PDZRN3: variants seen among roughly 807,000 people sequenced by gnomAD.
PDZRN3 encodes the protein E3 ubiquitin-protein ligase PDZRN3.
PDZRN3 carries 38 observed loss-of-function variants against 85.7 expected under a neutral mutation model. The observed-to-expected ratio is 0.44, with a 90% CI of 0.34 to 0.58. PDZRN3 has a LOEUF of 0.58. Among genes scored for constraint, PDZRN3 ranks in the 20% least tolerant of loss-of-function variants. The pLI is 0.01. For missense variants in PDZRN3, 1,629 were observed against 1,506.4 expected (o/e 1.08, Z -1.35); for synonymous variants, 759 against 638.0 (o/e 1.19, Z -2.86).
chr3:73,491,294 G>A (rs904049521), intron 3 of PDZRN3, among the ~76,000 whole-genome samples: 64 of 152,126 alleles, frequency 4.2e-4, no homozygotes, highest in African/African-American at 1.5e-3. Flanking sequence ...TTCACCAGGG[G>A]CCCCTTTCAT....
intron 3 of PDZRN3, among the ~76,000 whole-genome samples, chr3:73,465,258 T>C (rs1039230537): frequency 6.6e-6 from 1 of 152,188 alleles, no homozygotes; most frequent in Non-Finnish European, 1.5e-5. Context: ...GATGATGAAG[T>C]ATACCCCTTC....
intron 3 of PDZRN3, among the ~76,000 whole-genome samples, chr3:73,521,664 A>T (rs954105337): frequency 6.6e-6 from 1 of 152,172 alleles, no homozygotes; most frequent in African/African-American, 2.4e-5. Context: ...AGCATTTTGC[A>T]TACTGCGTTG....
chr3:73,403,028 C>G (rs2106725320), intron 4 of PDZRN3, among the ~76,000 whole-genome samples: 1 of 151,182 alleles, frequency 6.6e-6, no homozygotes, highest in South Asian at 2.1e-4. Flanking sequence ...ACTGCAAGCT[C>G]CGCCTCCCGG....
intron 3 of PDZRN3, among the ~76,000 whole-genome samples, chr3:73,583,321 G>A (rs1393692138): frequency 1.3e-5 from 2 of 152,212 alleles, no homozygotes; most frequent in Non-Finnish European, 2.9e-5. Flanking sequence ...GCTGCTCAAT[G>A]CTACGACTGA....
At chr3:73,446,689 A>G (rs1435157430) in intron 3 of PDZRN3, among the ~76,000 whole-genome samples, 2 of 152,138 alleles carry the variant, frequency 1.3e-5, no homozygotes, top group African/African-American at 2.4e-5. Context: ...GCTGAGGAAG[A>G]ACGTGGATGG....
intron 3 of PDZRN3, among the ~76,000 whole-genome samples, chr3:73,530,529 A>T (rs1201230422): frequency 6.6e-6 from 1 of 152,234 alleles, no homozygotes; most frequent in Non-Finnish European, 1.5e-5. Context: ...TCTTGTAAAA[A>T]GTCCTGGTTT....
chr3:73,522,889 A>G (rs1704404169), intron 3 of PDZRN3, among the ~76,000 whole-genome samples: 1 of 152,238 alleles, frequency 6.6e-6, no homozygotes, highest in African/African-American at 2.4e-5. Flanking sequence ...CTAGGACATA[A>G]TTGCTAACTA....
chr3:73,528,691 A>G (rs1704580818), intron 3 of PDZRN3, among the ~76,000 whole-genome samples: 1 of 152,226 alleles, frequency 6.6e-6, no homozygotes, highest in Admixed American at 6.5e-5. Flanking sequence ...GATCAAAAAA[A>G]GTAACAAAAC....
At chr3:73,620,198 T>C (rs1702833300) in intron 1 of PDZRN3, among the ~76,000 whole-genome samples, 1 of 152,158 alleles carries the variant, frequency 6.6e-6, no homozygotes, top group African/African-American at 2.4e-5. Context: ...TTGAGTGAGC[T>C]GGAGAGCTGT....
intron 3 of PDZRN3, among the ~76,000 whole-genome samples, chr3:73,525,135 T>A (rs1324795563): frequency 6.6e-6 from 1 of 151,934 alleles, no homozygotes; most frequent in East Asian, 1.9e-4. Context: ...TCTTGAAATC[T>A]TTTCTGGTGG....
intron 3 of PDZRN3, among the ~76,000 whole-genome samples, chr3:73,563,013 A>ATATAT (rs1187151191): frequency 9.1e-4 from 40 of 43,768 alleles, no homozygotes; most frequent in Non-Finnish European, 1.2e-3. Context: ...ATATATATAT[A>ATATAT]TTTTTTTTTT....
intron 3 of PDZRN3, among the ~76,000 whole-genome samples, chr3:73,515,722 T>G (rs1035441260): frequency 3.9e-5 from 6 of 152,190 alleles, no homozygotes; most frequent in Non-Finnish European, 8.8e-5. Context: ...ACAATTATAT[T>G]GCAGAGAGGA....
At chr3:73,422,146 A>G (rs145224167) in intron 3 of PDZRN3, among the ~76,000 whole-genome samples, 2 of 152,264 alleles carry the variant, frequency 1.3e-5, no homozygotes, top group South Asian at 2.1e-4. Flanking sequence ...TTTTCTTTCC[A>G]TTGTACTACA....
At chr3:73,469,378 A>G (rs1703288571) in intron 3 of PDZRN3, among the ~76,000 whole-genome samples, 1 of 152,196 alleles carries the variant, frequency 6.6e-6, no homozygotes, top group South Asian at 2.1e-4. Flanking sequence ...GTCATGATTC[A>G]TCTCTTTAAT....
chr3:73,522,401 G>C (rs1704389327), intron 3 of PDZRN3, among the ~76,000 whole-genome samples: 1 of 152,200 alleles, frequency 6.6e-6, no homozygotes, highest in African/African-American at 2.4e-5. Context: ...ATCAAAACAT[G>C]CTAGTGCTAT....
In PDZRN3 at chr3:73,384,666, C is replaced by T. The variant is rs367754231; in HGVS notation, c.1900G>A (p.Asp634Asn). Residue 634 changes from aspartate (D) to asparagine (N), a missense_variant, in exon 10 of 10, where the codon GAC becomes AAC. Transcript: ENST00000263666. ...SFISADCTDADYLGIPVDECE... is the reference protein window; with the variant it reads ...SFISADCTDANYLGIPVDECE... ...TCGTCCACCGGGATCCCCAGGTAGTCGGCGTCCGTGCAGTCGGCCGAAATG... is the reference window on the plus strand; with the variant it reads ...TCGTCCACCGGGATCCCCAGGTAGTTGGCGTCCGTGCAGTCGGCCGAAATG... The T allele has an allele frequency of 2.5e-6, 4 of 1,613,870 alleles. No individual in the cohort carries two copies. Among genetic ancestry groups the T allele is most frequent in the African/African-American group, 2.7e-5 (2 of 74,944 alleles).
chr3:73,387,335 G>A (rs910286038), intron 8 of PDZRN3, among the ~76,000 whole-genome samples: 3 of 152,252 alleles, frequency 2.0e-5, no homozygotes, highest in Non-Finnish European at 2.9e-5. Flanking sequence ...GTGAGTTCAT[G>A]ATTCCTCCTG....
intron 3 of PDZRN3, among the ~76,000 whole-genome samples, chr3:73,594,399 G>C (rs1702404151): frequency 1.3e-5 from 2 of 152,156 alleles, no homozygotes; most frequent in South Asian, 4.1e-4. Context: ...TTGGCTTTAA[G>C]TTCTCGTATC....
intron 5 of PDZRN3, among the ~76,000 whole-genome samples, chr3:73,394,672 T>A (rs1436829202): frequency 6.6e-6 from 1 of 152,222 alleles, no homozygotes; most frequent in Middle Eastern, 3.2e-3. Flanking sequence ...TAATATTTCC[T>A]TGCCTTATCT....
Sources: allele counts gnomAD v4.1 joint callset (sites outside exome capture counted in the v4.1 genomes callset), GRCh38; gene constraint gnomAD v4.1.1; transcripts MANE v1.5; gene names NCBI Gene and HGNC (gene_info 2026-07-23, HGNC 2026-07-21).